KIFBP: variants seen among roughly 807,000 people sequenced by gnomAD.
The protein encoded by KIFBP is kinesin family binding protein, also known as KIF-binding protein.
KIFBP carries 46 observed loss-of-function variants against 58.9 expected under a neutral mutation model. The observed-to-expected ratio is 0.78, with a 90% CI of 0.62 to 1.00. The LOEUF (loss-of-function observed/expected upper bound fraction) is 1.00, where lower values mean the gene tolerates loss of function less well. KIFBP is among the 50% of genes least tolerant of loss of function. The pLI is 0.00. For missense variants in KIFBP, 651 were observed against 752.9 expected (o/e 0.86, Z 1.58); for synonymous variants, 241 against 283.4 (o/e 0.85, Z 1.50).
At chr10:68,989,358 C>A (rs1431034205) in intron 1 of KIFBP, 100 bp downstream of exon 1, 1 of 1,321,108 alleles carries the variant, frequency 7.6e-7, no homozygotes, top group Non-Finnish European at 1.1e-6. Flanking sequence ...AGGCGCAATT[C>A]GTCCCCACGT....
At chr10:69,006,231 TTGTAGATATAGCTTTA>T (rs1446231847) in intron 4 of KIFBP, among the ~76,000 whole-genome samples, 2 of 152,250 alleles carry the variant, frequency 1.3e-5, no homozygotes, top group African/African-American at 4.8e-5. Context: ...AGATTTTACC[TTGTAGATATAGCTTTA>T]TCTTTACGTA....
chr10:68,996,287 G>T (rs1361379992), intron 1 of KIFBP, among the ~76,000 whole-genome samples: 3 of 152,130 alleles, frequency 2.0e-5, no homozygotes, highest in African/African-American at 7.2e-5. Flanking sequence ...TGGGCCGGGT[G>T]TGGTGGCTGA....
rs941844673 is a variant in KIFBP, at chr10:69,010,923, C to T, written c.898C>T (p.Pro300Ser). 4.3e-6 allele frequency: 7 copies of T among 1,613,698 alleles called. No individual in the cohort carries two copies. Among genetic ancestry groups the T allele is most frequent in the Non-Finnish European group, 5.9e-6 (7 of 1,179,706 alleles). The change falls in exon 6 of 7, where the codon CCA becomes TCA. Residue 300 changes from proline (P) to serine (S), a missense_variant. Coordinates refer to ENST00000361983, the MANE Select transcript of KIFBP (RefSeq NM_015634.4). ...AGCTCCTGAAGCTGAAGGAGAAGTG[C>T]CAGAGCTTTATCATCAAAGAAAGGG... The part of the protein sequence containing the change: ...EDTPEAEGEV[P>S]ELYHQRKGEI...
At chr10:69,008,799 C>T in intron 4 of KIFBP, 42 bp from the exon 5 acceptor site, 1 of 1,401,364 alleles carries the variant, frequency 7.1e-7, no homozygotes, top group Non-Finnish European at 1.0e-6. Context: ...GCAAATAAAG[C>T]TGTGTGATAG....
intron 2 of KIFBP, among the ~76,000 whole-genome samples, chr10:69,000,752 A>C (rs559163218): frequency 6.6e-6 from 1 of 152,372 alleles, no homozygotes; most frequent in Admixed American, 6.5e-5. Context: ...TCTAAATACA[A>C]TTATAAAGGA....
intron 1 of KIFBP, among the ~76,000 whole-genome samples, chr10:68,997,880 A>T (rs992710537): frequency 6.6e-6 from 1 of 152,150 alleles, no homozygotes; most frequent in African/African-American, 2.4e-5. Context: ...TTTTTGGGAC[A>T]GGGTTGTGTT....
intron 4 of KIFBP, 114 bp downstream of exon 4, chr10:69,006,029 G>A: frequency 1.9e-6 from 2 of 1,034,456 alleles, no homozygotes; most frequent in Non-Finnish European, 2.8e-6. Flanking sequence ...ATTTTATGAT[G>A]TACAACTGAA....
At position 68,989,007 on chromosome 10, in the gene KIFBP, G is replaced by A. The variant is rs773512678; in HGVS notation, c.175G>A (p.Glu59Lys). The A allele has an allele frequency of 3.1e-6, 5 of 1,614,068 alleles. No individual in the cohort carries two copies. The African/African-American group carries it at 4.0e-5, about 13-fold the overall frequency. The change falls in exon 1 of 7, where the codon GAG becomes AAG. Residue 59 changes from glutamate to lysine, a missense_variant. Glu to Lys is a moderately conservative substitution (Grantham distance 56). Coordinates refer to ENST00000361983, the MANE Select transcript of KIFBP (RefSeq NM_015634.4). ...LLGPAPEDED[E>K]RPEAEDGPGA... ...CGGCCCTGCGCCTGAGGACGAGGATGAGCGGCCTGAGGCCGAGGACGGCCC... is the reference window on the plus strand; with the variant it reads ...CGGCCCTGCGCCTGAGGACGAGGATAAGCGGCCTGAGGCCGAGGACGGCCC...
chr10:69,005,346 G>A (rs1362672388), intron 3 of KIFBP, among the ~76,000 whole-genome samples: 1 of 152,126 alleles, frequency 6.6e-6, no homozygotes, highest in Non-Finnish European at 1.5e-5. Context: ...GGGTTGGTGG[G>A]ATAATCAAAA....
chr10:69,003,044 C>CAAAAA (rs5785887), intron 2 of KIFBP, among the ~76,000 whole-genome samples: 1 of 105,576 alleles, frequency 9.5e-6, no homozygotes, highest in African/African-American at 3.6e-5. Flanking sequence ...CCCGTCTTTA[C>CAAAAA]AAAAAAAAAA....
chr10:69,016,548 TGAGTGTTTGCTAGGATCCTAAG>T lies in KIFBP; in HGVS notation c.*135_*156del. 1 of 846,164 alleles carries T rather than the reference TGAGTGTTTGCTAGGATCCTAAG, an allele frequency of 1.2e-6. No individual in the cohort carries two copies. Among genetic ancestry groups the T allele is most frequent in the Non-Finnish European group, 1.9e-6 (1 of 526,236 alleles). The allele number at this position is 846,164 out of a possible 1,614,324, so 52.4% of individuals were successfully genotyped here. On this transcript the variant is annotated 3_prime_UTR_variant, in exon 7 of 7. Transcript: ENST00000361983. ...AGTTTGAACTTGAGATACAGTCAACTGAGTGTTTGCTAGGATCCTAAGGAACATAAAGTTAATTAAAAACTTA... is the reference window on the plus strand; with the variant it reads ...AGTTTGAACTTGAGATACAGTCAACTGAACATAAAGTTAATTAAAAACTTA...
In KIFBP at chr10:69,005,752, A is replaced by G; in HGVS notation, c.626A>G (p.His209Arg). ...TACAGATTTGAAAAGGTTTATACTC[A>G]TAACCTATATTACCTAGCTCAAGTC... ...RSKRFEKVYT[H>R]NLYYLAQVYQ... Residue 209 changes from histidine (H) to arginine (R), a missense_variant, in exon 4 of 7, where the codon CAT (histidine) becomes CGT (arginine). Transcript: ENST00000361983. 1 of 1,611,444 alleles carries G rather than the reference A, an allele frequency of 6.2e-7. No individual in the cohort carries two copies. The highest frequency in any genetic ancestry group is 8.5e-7 in the Non-Finnish European group (1 of 1,177,566).
At chr10:68,991,319 C>T (rs1168099172) in intron 1 of KIFBP, 3 of 232,290 alleles carry the variant, frequency 1.3e-5, no homozygotes, top group Non-Finnish European at 2.7e-5. Flanking sequence ...TCCGTTAAGT[C>T]AGGACTATGT....
At chr10:69,005,174 G>A (rs1285539959) in intron 3 of KIFBP, 49 bp downstream of exon 3, 2 of 1,324,690 alleles carry the variant, frequency 1.5e-6, no homozygotes, top group Non-Finnish European at 2.2e-6. Context: ...ACATATCATA[G>A]ATTAGTGATT....
chr10:69,015,559 G>A lies in KIFBP; in HGVS notation c.1009G>A (p.Asp337Asn), dbSNP rs760482247. The A allele has an allele frequency of 1.9e-5, 31 of 1,613,510 alleles. No individual in the cohort carries two copies. The highest frequency in any genetic ancestry group is 2.4e-5 in the Non-Finnish European group (28 of 1,179,892). Reference sequence around the variant, plus strand: ...CCTTCAGGACAACATAGGAGAGCTTGATCTTGATAAACAGTCTGAACTTAG... The same window carrying A: ...CCTTCAGGACAACATAGGAGAGCTTAATCTTGATAAACAGTCTGAACTTAG... ...LSMQDNIGEL[D>N]LDKQSELRAL... The change falls in exon 7 of 7, where the codon GAT (aspartate) becomes AAT (asparagine). Residue 337 changes from aspartate (D) to asparagine (N), a missense_variant. Transcript: ENST00000361983.
chr10:69,001,530 G>C (rs894703007), intron 2 of KIFBP, among the ~76,000 whole-genome samples: 1 of 152,118 alleles, frequency 6.6e-6, no homozygotes, highest in African/African-American at 2.4e-5. Context: ...CGAGGCAGGT[G>C]GATCACTTGA....
Position 69,005,128 on chromosome 10 carries a change from G to A in KIFBP, c.605+3G>A. 1 of 1,599,064 alleles carries A rather than the reference G, an allele frequency of 6.3e-7. No homozygotes were observed. Among genetic ancestry groups the A allele is most frequent in the Non-Finnish European group, 8.6e-7 (1 of 1,166,370 alleles). On this transcript the variant is annotated splice_donor_region_variant and intron_variant, in intron 3 of 6. Coordinates refer to ENST00000361983, the MANE Select transcript of KIFBP (RefSeq NM_015634.4). ...ACTGAACAAGAGAGATCAAAAAGGTGAGTAGGTATAGAAATCAGCCCTTGC... is the reference window on the plus strand; with the variant it reads ...ACTGAACAAGAGAGATCAAAAAGGTAAGTAGGTATAGAAATCAGCCCTTGC...
At chr10:69,004,197 C>T (rs910417845) in intron 2 of KIFBP, among the ~76,000 whole-genome samples, 1 of 106,364 alleles carries the variant, frequency 9.4e-6, no homozygotes, top group Non-Finnish European at 1.8e-5. Context: ...TCCAGCCTGG[C>T]AAAAGAGCGA....
At chr10:69,004,367 C>CTAAA (rs1026367916) in intron 2 of KIFBP, among the ~76,000 whole-genome samples, 39 of 151,258 alleles carry the variant, frequency 2.6e-4, no homozygotes, top group African/African-American at 8.3e-4. Context: ...ACCCCCATCT[C>CTAAA]TAAATAAATA....
Sources: gnomAD v4.1 joint callset for allele counts (sites outside exome capture counted in the v4.1 genomes callset) on GRCh38, gnomAD v4.1.1 for gene constraint, MANE v1.5 for transcripts, NCBI Gene and HGNC (gene_info 2026-07-23, HGNC 2026-07-21) for gene names.